GSE1: variants seen among roughly 807,000 people sequenced by gnomAD.
GSE1 encodes Gse1 coiled-coil protein.
A neutral mutation model predicts 112.6 loss-of-function variants in GSE1; 32 were observed. The observed-to-expected ratio is 0.28, with a 90% CI of 0.21 to 0.38. The LOEUF (loss-of-function observed/expected upper bound fraction) is 0.38, where lower values mean the gene tolerates loss of function less well. GSE1 is among the 10% of genes least tolerant of loss of function. The pLI is 1.00. For missense variants in GSE1, 2,348 were observed against 1,699.2 expected, an observed-to-expected ratio of 1.38 and a Z score of -6.71; for synonymous variants, 1,115 against 735.6, an observed-to-expected ratio of 1.52 and a Z score of -8.35.
intron 1 of GSE1, among the ~76,000 whole-genome samples, chr16:85,581,718 GCTGACCT>G (rs1161144038): frequency 2.0e-5 from 3 of 152,198 alleles, no homozygotes; most frequent in Admixed American, 2.0e-4. Flanking sequence ...GGTGAATTGG[GCTGACCT>G]GTGACCTGTC....
intron 1 of GSE1, among the ~76,000 whole-genome samples, chr16:85,264,197 G>A (rs1044602033): frequency 1.3e-4 from 20 of 152,128 alleles, no homozygotes; most frequent in Non-Finnish European, 2.5e-4. Flanking sequence ...CCTCTCAGAG[G>A]GCCTGAGGTT....
chr16:85,628,522 A>C (rs933618607), intron 1 of GSE1, among the ~76,000 whole-genome samples: 1 of 152,092 alleles, frequency 6.6e-6, no homozygotes, highest in African/African-American at 2.4e-5. Flanking sequence ...TGGAGGGAGC[A>C]GGCAGAGGGC....
intron 2 of GSE1, among the ~76,000 whole-genome samples, chr16:85,416,918 C>T (rs1290039394): frequency 3.3e-5 from 5 of 152,160 alleles, no homozygotes; most frequent in South Asian, 4.1e-4. Context: ...TGCAGTGGCA[C>T]GATCATGGTC....
upstream of GSE1, among the ~76,000 whole-genome samples, chr16:85,552,072 C>G (rs2044942229): frequency 6.6e-6 from 1 of 151,940 alleles, no homozygotes; most frequent in Non-Finnish European, 1.5e-5. Context: ...GTCGCCCAGG[C>G]TGGAGTGCAG....
chr16:85,291,862 C>T (rs1309902682), intron 1 of GSE1, among the ~76,000 whole-genome samples: 1 of 152,214 alleles, frequency 6.6e-6, no homozygotes, highest in Non-Finnish European at 1.5e-5. Flanking sequence ...CCTCTCACCA[C>T]AAAGGGCCCT....
At chr16:85,652,589 C>T (rs1464612378) in intron 3 of GSE1, among the ~76,000 whole-genome samples, 5 of 152,154 alleles carry the variant, frequency 3.3e-5, no homozygotes, top group Admixed American at 3.3e-4. Flanking sequence ...TCCTCGCTGA[C>T]TGTCTCCTGG....
chr16:85,288,653 A>C (rs536502276), intron 1 of GSE1, among the ~76,000 whole-genome samples: 1 of 152,190 alleles, frequency 6.6e-6, no homozygotes, highest in Non-Finnish European at 1.5e-5. Flanking sequence ...GATGCAGTCT[A>C]TTCTGTCCTG....
At chr16:85,577,285 T>C (rs1298805661) in intron 1 of GSE1, among the ~76,000 whole-genome samples, 1 of 152,146 alleles carries the variant, frequency 6.6e-6, no homozygotes, top group Non-Finnish European at 1.5e-5. Context: ...TGCCCAGTGG[T>C]GATCACCTCG....
intron 2 of GSE1, among the ~76,000 whole-genome samples, chr16:85,385,031 C>G (rs1421041306): frequency 6.6e-6 from 1 of 152,272 alleles, no homozygotes; most frequent in Non-Finnish European, 1.5e-5. Flanking sequence ...AGAAACACTT[C>G]CCATCATAAA....
At chr16:85,229,101 G>GCGTGGGGGTGGCGGCAT (rs1312524347) in intron 1 of GSE1, among the ~76,000 whole-genome samples, 1 of 152,252 alleles carries the variant, frequency 6.6e-6, no homozygotes, top group East Asian at 1.9e-4. Context: ...ACAGCCTGCA[G>GCGTGGGGGTGGCGGCAT]CGTGGGGGTG....
chr16:85,361,365 A>C (rs72811734), intron 2 of GSE1, among the ~76,000 whole-genome samples: 1 of 122,784 alleles, frequency 8.1e-6, no homozygotes, highest in Admixed American at 8.4e-5. Context: ...AGACACACAG[A>C]GACAGGCACA....
chr16:85,247,019 CCTT>C (rs1567636944), intron 1 of GSE1, among the ~76,000 whole-genome samples: 2 of 152,100 alleles, frequency 1.3e-5, no homozygotes, highest in Non-Finnish European at 2.9e-5. Flanking sequence ...GGGGGCACCG[CCTT>C]CTTCTCTGAC....
intron 3 of GSE1, 107 bp downstream of exon 3, chr16:85,648,858 A>T: frequency 1.7e-6 from 1 of 574,586 alleles, no homozygotes; most frequent in East Asian, 3.3e-5. Context: ...CATTCCAGAC[A>T]CCCCCTCCCC....
intron 1 of GSE1, among the ~76,000 whole-genome samples, chr16:85,563,038 G>T (rs1041879436): frequency 6.6e-6 from 1 of 152,194 alleles, no homozygotes; most frequent in Non-Finnish European, 1.5e-5. Flanking sequence ...CCTTGTCCCT[G>T]TCTGGGATTG....
chr16:85,412,854 T>G (rs942437795), intron 2 of GSE1, among the ~76,000 whole-genome samples: 1 of 152,196 alleles, frequency 6.6e-6, no homozygotes, highest in Non-Finnish European at 1.5e-5. Flanking sequence ...TAAAGCCGCA[T>G]TCACAGGTTC....
chr16:85,349,740 T>C (rs1035195723), intron 1 of GSE1, among the ~76,000 whole-genome samples: 7 of 152,242 alleles, frequency 4.6e-5, no homozygotes, highest in African/African-American at 1.7e-4. Context: ...GATGCTGGCG[T>C]CTCTTCCCCC....
intron 1 of GSE1, among the ~76,000 whole-genome samples, chr16:85,219,784 G>C (rs1197376026): frequency 6.6e-6 from 1 of 152,192 alleles, no homozygotes; most frequent in Non-Finnish European, 1.5e-5. Flanking sequence ...ATGACTATGG[G>C]ACCACCAGCT....
intron 1 of GSE1, among the ~76,000 whole-genome samples, chr16:85,585,548 G>T (rs1476880546): frequency 6.6e-6 from 1 of 152,228 alleles, no homozygotes; most frequent in African/African-American, 2.4e-5. Flanking sequence ...TTTCTGCCCA[G>T]CTGGGTCTCC....
At chr16:85,557,569 GT>G (rs371034842) in intron 1 of GSE1, among the ~76,000 whole-genome samples, 59 of 146,794 alleles carry the variant, frequency 4.0e-4, no homozygotes, top group African/African-American at 8.2e-4. Flanking sequence ...TCGGTTTCGG[GT>G]TTTTTTTTTT....
Sources: gnomAD v4.1 joint callset for allele counts (sites outside exome capture counted in the v4.1 genomes callset) on GRCh38, gnomAD v4.1.1 for gene constraint, MANE v1.5 for transcripts, NCBI Gene and HGNC (gene_info 2026-07-23, HGNC 2026-07-21) for gene names.